The following CMC1 variants were observed in gnomAD, a reference collection of about 807,000 sequenced individuals.
The protein encoded by CMC1 is COX assembly mitochondrial protein homolog.
A neutral mutation model predicts 14.1 loss-of-function variants in CMC1; 14 were observed. The ratio of observed to expected loss-of-function variants is 0.99; its 90% CI spans 0.66 to 1.55. CMC1 has a LOEUF of 1.55. Among genes scored for constraint, CMC1 ranks in the 40% most tolerant of loss-of-function variants. CMC1 has a pLI of 0.00. For synonymous variants in CMC1, 50 were observed against 38.4 expected, an observed-to-expected ratio of 1.30 and a Z score of -1.12; for missense variants, 127 against 123.8, an observed-to-expected ratio of 1.03 and a Z score of -0.12.
chr3:28,245,932 G>A (rs1025953964), intron 1 of CMC1, among the ~76,000 whole-genome samples: 46 of 152,224 alleles, frequency 3.0e-4, no homozygotes, highest in African/African-American at 1.0e-3. Flanking sequence ...AAAGGTTGTG[G>A]AGTTGATTAG....
intron 1 of CMC1, among the ~76,000 whole-genome samples, chr3:28,248,080 T>C (rs1036790458): frequency 4.6e-5 from 7 of 152,206 alleles, no homozygotes; most frequent in Admixed American, 1.3e-4. Flanking sequence ...TGTATAGAGT[T>C]GTTTTCCTTT....
Position 28,319,524 on chromosome 3 carries a change from C to A in CMC1, c.216C>A (p.Ala72=). ...CTTCTCATAGCTATAATGATCCAGC[C>A]TTTTATGAAGAATGCAAAATGGAAT... is the stretch of plus-strand genomic sequence containing the variant. The part of the protein sequence containing the change: ...ECLTAYYNDP[A]FYEECKMEYL... Residue 72 remains alanine (A), a synonymous_variant, in exon 4 of 4, where the codon GCC becomes GCA. Coordinates refer to ENST00000466830, the MANE Select transcript of CMC1 (RefSeq NM_182523.2). The A allele has an allele frequency of 1.2e-6, 2 of 1,601,298 alleles. No individual in the cohort carries two copies. The highest frequency in any genetic ancestry group is 2.2e-5 in the South Asian group (2 of 89,736).
At chr3:28,286,052 A>C (rs982896966) in intron 2 of CMC1, among the ~76,000 whole-genome samples, 1 of 152,144 alleles carries the variant, frequency 6.6e-6, no homozygotes, top group Non-Finnish European at 1.5e-5. Flanking sequence ...GGCATGAGCC[A>C]CCGCACCTGG....
At chr3:28,307,154 C>T (rs571512330) in intron 2 of CMC1, among the ~76,000 whole-genome samples, 22 of 152,240 alleles carry the variant, frequency 1.4e-4, no homozygotes, top group Non-Finnish European at 2.4e-4. Flanking sequence ...AAGAGTACTG[C>T]GTTGCCCTGT....
At chr3:28,294,614 A>C in intron 2 of CMC1, 5 of 203,316 alleles carry the variant, frequency 2.5e-5, no homozygotes, top group Non-Finnish European at 4.4e-5. Flanking sequence ...ATGGAAACTC[A>C]TGTAGGCAAG....
chr3:28,269,224 A>G (rs1396910837), intron 2 of CMC1, among the ~76,000 whole-genome samples: 1 of 152,132 alleles, frequency 6.6e-6, no homozygotes, highest in African/African-American at 2.4e-5. Flanking sequence ...ACAGGGGACT[A>G]CTGTATAATG....
intron 2 of CMC1, among the ~76,000 whole-genome samples, chr3:28,285,301 T>C (rs1701113800): frequency 6.6e-6 from 1 of 152,086 alleles, no homozygotes; most frequent in Admixed American, 6.6e-5. Context: ...ATACATATTT[T>C]CCTTCAAAAG....
At chr3:28,289,869 A>T (rs1414405106) in intron 2 of CMC1, among the ~76,000 whole-genome samples, 3 of 152,162 alleles carry the variant, frequency 2.0e-5, no homozygotes, top group African/African-American at 4.8e-5. Flanking sequence ...ACAAAGACAG[A>T]CATCTCTCTG....
intron 2 of CMC1, among the ~76,000 whole-genome samples, chr3:28,276,458 C>CT (rs1700594735): frequency 6.6e-6 from 1 of 151,840 alleles, no homozygotes; most frequent in South Asian, 2.1e-4. Context: ...AATGTCATAG[C>CT]TTTTTTACTA....
At chr3:28,312,149 T>A (rs1245239410) in intron 2 of CMC1, among the ~76,000 whole-genome samples, 1 of 152,222 alleles carries the variant, frequency 6.6e-6, no homozygotes, top group Non-Finnish European at 1.5e-5. Flanking sequence ...ATGTTAAAAT[T>A]CTAAACTGTA....
chr3:28,285,542 A>G (rs1048936927), intron 2 of CMC1, among the ~76,000 whole-genome samples: 8 of 152,132 alleles, frequency 5.3e-5, no homozygotes, highest in African/African-American at 1.9e-4. Context: ...GAGGGTAGGA[A>G]GTGGGTAAGG....
intron 2 of CMC1, among the ~76,000 whole-genome samples, chr3:28,272,520 G>A (rs944135835): frequency 3.3e-5 from 5 of 152,002 alleles, no homozygotes; most frequent in African/African-American, 7.2e-5. Flanking sequence ...TAATGAATTC[G>A]TTTATTGATT....
chr3:28,302,883 G>T (rs149327776), intron 2 of CMC1, among the ~76,000 whole-genome samples: 3 of 152,112 alleles, frequency 2.0e-5, no homozygotes, highest in Non-Finnish European at 4.4e-5. Context: ...TCTCTATTGC[G>T]TGGGCATGGA....
At chr3:28,313,172 C>T (rs1461039009) in intron 2 of CMC1, among the ~76,000 whole-genome samples, 2 of 151,940 alleles carry the variant, frequency 1.3e-5, no homozygotes, top group Non-Finnish European at 2.9e-5. Context: ...AATATTTTTA[C>T]CAATAGTATA....
At chr3:28,293,961 A>G (rs369708166) in intron 2 of CMC1, among the ~76,000 whole-genome samples, 2 of 152,240 alleles carry the variant, frequency 1.3e-5, no homozygotes, top group East Asian at 1.9e-4. Flanking sequence ...GACCTTTTAT[A>G]TTTTACATAT....
At chr3:28,301,364 C>T (rs149000977) in intron 2 of CMC1, among the ~76,000 whole-genome samples, 5 of 152,086 alleles carry the variant, frequency 3.3e-5, no homozygotes, top group Middle Eastern at 3.4e-3. Context: ...GTACTACATG[C>T]GTGTGCCACC....
intron 2 of CMC1, among the ~76,000 whole-genome samples, chr3:28,309,821 CCACACACACACACACACA>C (rs57499697): frequency 7.6e-6 from 1 of 131,792 alleles, no homozygotes; most frequent in Admixed American, 7.8e-5. Context: ...CTGATATTTA[CCACACACACACACACACA>C]CACACACACA....
intron 2 of CMC1, among the ~76,000 whole-genome samples, chr3:28,269,821 C>T (rs1010436977): frequency 2.0e-5 from 3 of 152,224 alleles, no homozygotes; most frequent in Non-Finnish European, 4.4e-5. Context: ...CTGCCTTGGC[C>T]TCCCAAGTCC....
intron 2 of CMC1, among the ~76,000 whole-genome samples, chr3:28,299,358 A>G (rs1701904473): frequency 1.3e-5 from 2 of 152,128 alleles, no homozygotes; most frequent in South Asian, 4.1e-4. Context: ...CCTGATCTTA[A>G]TCAGGTGAGA....
Sources: allele counts gnomAD v4.1 joint callset (sites outside exome capture counted in the v4.1 genomes callset), GRCh38; gene constraint gnomAD v4.1.1; transcripts MANE v1.5; gene names NCBI Gene and HGNC (gene_info 2026-07-23, HGNC 2026-07-21).